SLCO4C1: variants seen among roughly 807,000 people sequenced by gnomAD.
SLCO4C1 encodes the protein solute carrier organic anion transporter family member 4C1.
A neutral mutation model predicts 72.1 loss-of-function variants in SLCO4C1; 58 were observed. The observed-to-expected ratio is 0.80, with a 90% CI of 0.65 to 1.00. The LOEUF (loss-of-function observed/expected upper bound fraction) is 1.00. SLCO4C1 is among the 50% of genes least tolerant of loss of function. The pLI is 0.00. For synonymous variants in SLCO4C1, 297 were observed against 312.5 expected, an observed-to-expected ratio of 0.95 and a Z score of 0.52; for missense variants, 898 against 857.9, an observed-to-expected ratio of 1.05 and a Z score of -0.58.
At chr5:102,249,889 C>G in intron 8 of SLCO4C1, 101 bp from the exon 9 acceptor site, 2 of 1,144,102 alleles carry the variant, frequency 1.7e-6, no homozygotes. Flanking sequence ...TTTATTCACT[C>G]ACTCAACACA....
At position 102,243,107 on chromosome 5, in the gene SLCO4C1, G is replaced by T. The variant is rs905019951; in HGVS notation, c.1812-2325C>A. On this transcript the variant is annotated intron_variant, in intron 10 of 12. Coordinates refer to ENST00000310954, the MANE Select transcript of SLCO4C1 (RefSeq NM_180991.5). ...GGGTTGGAGGGGCCTATGGGGTGAA[G>T]CTTCTCTGCCTTTGCAAAGGGGAAA... Among the ~76,000 whole-genome samples, 4 of 152,278 alleles carry T rather than the reference G, an allele frequency of 2.6e-5. No individual in the cohort carries two copies. The South Asian group carries it at 8.3e-4, about 32-fold the overall frequency.
intron 2 of SLCO4C1, among the ~76,000 whole-genome samples, chr5:102,275,414 A>G (rs746997643): frequency 6.6e-5 from 10 of 152,194 alleles, no homozygotes; most frequent in Admixed American, 1.3e-4. Flanking sequence ...AACTAAAATC[A>G]TAGAACAAAA....
intron 2 of SLCO4C1, among the ~76,000 whole-genome samples, chr5:102,285,464 T>C (rs982903522): frequency 2.0e-5 from 3 of 152,088 alleles, no homozygotes; most frequent in Non-Finnish European, 4.4e-5. Context: ...TTTGTGTTTT[T>C]AGTAGGGACA....
intron 10 of SLCO4C1, among the ~76,000 whole-genome samples, chr5:102,241,224 T>A (rs971062899): frequency 2.6e-5 from 4 of 152,204 alleles, no homozygotes; most frequent in Middle Eastern, 6.8e-3. Flanking sequence ...CCCACTCTCA[T>A]GAATTCTATT....
At chr5:102,291,882 C>A (rs1010787943) in intron 1 of SLCO4C1, among the ~76,000 whole-genome samples, 1 of 151,954 alleles carries the variant, frequency 6.6e-6, no homozygotes, top group Non-Finnish European at 1.5e-5. Context: ...ACTGCAATGG[C>A]GCGATCTCGG....
rs1203597000 is a variant in SLCO4C1 at position 102,257,315 on chromosome 5, T to A, written c.1274-5A>T. On this transcript the variant is annotated splice_region_variant and splice_polypyrimidine_tract_variant and intron_variant, in intron 7 of 12. Coordinates refer to ENST00000310954, the MANE Select transcript of SLCO4C1 (RefSeq NM_180991.5). The stretch of plus-strand genomic sequence containing the variant: ...CTCCAGGAATTAAAACAGCCCCTAA[T>A]AAGAAAAAAGAATGTAGATTGTGAG... The A allele has an allele frequency of 4.4e-6, 7 of 1,575,648 alleles. No individual in the cohort carries two copies. The highest frequency in any genetic ancestry group is 4.0e-5 in the Admixed American group (2 of 50,508).
intron 10 of SLCO4C1, among the ~76,000 whole-genome samples, chr5:102,244,693 C>T (rs2112339353): frequency 6.6e-6 from 1 of 152,280 alleles, no homozygotes; most frequent in South Asian, 2.1e-4. Context: ...CATCTGGCAG[C>T]AGACTTTTCA....
chr5:102,261,505 TA>T (rs573943217), intron 5 of SLCO4C1, among the ~76,000 whole-genome samples: 1,892 of 146,824 alleles, frequency 0.013, 19 homozygotes, highest in Non-Finnish European at 0.02. Context: ...AGTGATAACT[TA>T]AAAAAAAAAG....
chr5:102,269,429 TTC>T (rs940757080), intron 3 of SLCO4C1, among the ~76,000 whole-genome samples: 16 of 152,150 alleles, frequency 1.1e-4, no homozygotes, highest in African/African-American at 3.1e-4. Context: ...CAGAAATTCT[TTC>T]TGTTTGATCT....
intron 2 of SLCO4C1, among the ~76,000 whole-genome samples, chr5:102,289,543 T>C (rs1749517186): frequency 6.6e-6 from 1 of 152,202 alleles, no homozygotes; most frequent in African/African-American, 2.4e-5. Flanking sequence ...TATGAACAAA[T>C]AACTATCATA....
At position 102,291,269 on chromosome 5, in the gene SLCO4C1, G is replaced by A. The variant is rs1749542821; in HGVS notation, c.619+74C>T. On this transcript the variant is annotated intron_variant, in intron 2 of 12. Transcript: ENST00000310954. ...CCTTACCATACTGTGTAAGTGAATT[G>A]CAATATAAAGTTAATGACCTAGTTT... The A allele has an allele frequency of 2.1e-6, 3 of 1,459,188 alleles. No individual in the cohort carries two copies. The African/African-American group carries it at 4.3e-5, about 21-fold the overall frequency. 90.4% of individuals were successfully genotyped at this position (1,459,188 alleles called of 1,614,324 possible). A position where few individuals can be genotyped will look rare whatever the true frequency, so the allele number is the denominator to read the frequency against.
At chr5:102,282,473 C>T (rs1310063499) in intron 2 of SLCO4C1, among the ~76,000 whole-genome samples, 2 of 151,750 alleles carry the variant, frequency 1.3e-5, no homozygotes, top group African/African-American at 4.8e-5. Context: ...ACCCATAGAA[C>T]CTCTCTAACC....
At chr5:102,281,438 A>C (rs1458248668) in intron 2 of SLCO4C1, among the ~76,000 whole-genome samples, 1 of 152,112 alleles carries the variant, frequency 6.6e-6, no homozygotes, top group African/African-American at 2.4e-5. Flanking sequence ...AAAAACTGAT[A>C]AATTCGACTT....
intron 9 of SLCO4C1, among the ~76,000 whole-genome samples, chr5:102,248,504 T>C (rs1399371400): frequency 6.6e-6 from 1 of 152,120 alleles, no homozygotes; most frequent in African/African-American, 2.4e-5. Context: ...TTAAGTATGC[T>C]CTGGGTATTA....
Position 102,260,314 on chromosome 5 carries a change from C to G in SLCO4C1, c.1027G>C (p.Ala343Pro). 9.3e-7 allele frequency: 1 copy of G among 1,079,870 alleles called. No homozygotes were observed. Among genetic ancestry groups the G allele is most frequent in the Non-Finnish European group, 1.2e-6 (1 of 838,384 alleles). The allele number at this position is 1,079,870 out of a possible 1,614,324, so 66.9% of individuals were successfully genotyped here. The change falls in exon 6 of 13, where the codon GCA (alanine) becomes CCA (proline). Residue 343 changes from alanine to proline, a missense_variant. Physicochemically the swap from Ala to Pro is conservative, Grantham distance 27. Coordinates refer to ENST00000310954, the MANE Select transcript of SLCO4C1 (RefSeq NM_180991.5). Reference sequence around the variant, plus strand: ...GAAGTTTTTCCAGCTTGAATTTCTGCTGTACCTAAAAAAAAAATATATATA... The same window carrying G: ...GAAGTTTTTCCAGCTTGAATTTCTGGTGTACCTAAAAAAAAAATATATATA... ...SCFPKHLPGT[A>P]EIQAGKTSQA...
chr5:102,236,949 G>A lies in SLCO4C1; in HGVS notation c.2084C>T (p.Ser695Leu). The A allele has an allele frequency of 6.2e-7, 1 of 1,612,544 alleles. No homozygotes were observed. Among genetic ancestry groups the A allele is most frequent in the Non-Finnish European group, 8.5e-7 (1 of 1,179,592 alleles). ...TTTATGAAATGACACATCTGTGGCT[G>A]ATGGAGGTGGTTTATACAAAAAGAT... The part of the protein sequence containing the change: ...FAIFLYKPPP[S>L]ATDVSFHKEN... The change falls in exon 13 of 13, where the codon TCA becomes TTA. Residue 695 changes from serine (S) to leucine (L), a missense_variant. Ser to Leu is a moderately radical substitution (Grantham distance 145). Transcript: ENST00000310954.
chr5:102,261,640 T>C (rs915890608), intron 5 of SLCO4C1, among the ~76,000 whole-genome samples: 1 of 151,980 alleles, frequency 6.6e-6, no homozygotes, highest in Non-Finnish European at 1.5e-5. Flanking sequence ...TAAAGCAGAA[T>C]TGCAGATAAA....
intron 2 of SLCO4C1, among the ~76,000 whole-genome samples, chr5:102,280,288 C>T (rs1001551029): frequency 3.3e-5 from 5 of 151,314 alleles, no homozygotes; most frequent in Non-Finnish European, 7.4e-5. Context: ...AAAAATCTAC[C>T]GTATTTCCAT....
chr5:102,287,253 A>C (rs1749469763), intron 2 of SLCO4C1, among the ~76,000 whole-genome samples: 1 of 152,120 alleles, frequency 6.6e-6, no homozygotes, highest in Admixed American at 6.6e-5. Context: ...CAAATAATTC[A>C]GATTTTTCGT....
Sources: allele counts gnomAD v4.1 joint callset (sites outside exome capture counted in the v4.1 genomes callset), GRCh38; gene constraint gnomAD v4.1.1; transcripts MANE v1.5; gene names NCBI Gene and HGNC (gene_info 2026-07-23, HGNC 2026-07-21).